The following HAPLN1 variants were observed in gnomAD, a reference collection of about 807,000 sequenced individuals.
HAPLN1 encodes the protein Cartilage link protein.
Under a neutral mutation model 36.5 loss-of-function variants are expected in HAPLN1, and 13 were observed. The observed-to-expected ratio is 0.36, with a 90% CI of 0.23 to 0.57. The LOEUF (loss-of-function observed/expected upper bound fraction) is 0.57. Among genes scored for constraint, HAPLN1 ranks in the 20% least tolerant of loss-of-function variants. HAPLN1 has a pLI of 0.83. For missense variants in HAPLN1, 407 were observed against 439.7 expected, an observed-to-expected ratio of 0.93 and a Z score of 0.66; for synonymous variants, 202 against 169.8, an observed-to-expected ratio of 1.19 and a Z score of -1.48.
At chr5:83,691,779 T>G (rs1480603547) in intron 1 of HAPLN1, among the ~76,000 whole-genome samples, 1 of 151,638 alleles carries the variant, frequency 6.6e-6, no homozygotes, top group Non-Finnish European at 1.5e-5. Context: ...AAGAGAAAAC[T>G]TAGTCAATGG....
intron 1 of HAPLN1, among the ~76,000 whole-genome samples, chr5:83,690,428 A>G (rs1480529154): frequency 6.6e-6 from 1 of 152,072 alleles, no homozygotes; most frequent in Non-Finnish European, 1.5e-5. Context: ...GTGGCACAGA[A>G]TTAGCTGTTT....
At chr5:83,675,317 A>G (rs1440890833) in intron 1 of HAPLN1, 2 of 152,172 alleles carry the variant, frequency 1.3e-5, no homozygotes, top group African/African-American at 4.8e-5. Flanking sequence ...CTGCTTGTTT[A>G]CAGGAATCAG....
intron 1 of HAPLN1, among the ~76,000 whole-genome samples, chr5:83,690,779 T>C (rs1253525395): frequency 6.6e-6 from 1 of 152,100 alleles, no homozygotes. Context: ...GGTGATTATA[T>C]ATTCAGGCAT....
intron 1 of HAPLN1, among the ~76,000 whole-genome samples, chr5:83,687,776 G>A (rs1007130234): frequency 9.2e-5 from 14 of 152,148 alleles, no homozygotes; most frequent in African/African-American, 3.4e-4. Context: ...GGGGGAAAAT[G>A]AGAGTATCAG....
intron 1 of HAPLN1, among the ~76,000 whole-genome samples, chr5:83,705,387 CAAAAAAAAA>C (rs762927081): frequency 2.3e-5 from 2 of 85,424 alleles, no homozygotes; most frequent in African/African-American, 4.8e-5. Flanking sequence ...TGAAACGTCA[CAAAAAAAAA>C]AAAAAAAAAA....
At chr5:83,662,283 T>C (rs1236789372) in intron 2 of HAPLN1, among the ~76,000 whole-genome samples, 2 of 152,224 alleles carry the variant, frequency 1.3e-5, no homozygotes, top group Admixed American at 6.5e-5. Context: ...GAAATACACA[T>C]AGTAAGTGAT....
Position 83,688,642 on chromosome 5 carries a change from C to CTTTTTTTTTTTTTT in HAPLN1, c.-26-15107_-26-15094dup, listed in dbSNP as rs539790396. On this transcript the variant is annotated intron_variant, in intron 1 of 4. Transcript: ENST00000274341. ...TATTTGCCAAATGCAGCTTTTGATT[C>CTTTTTTTTTTTTTT]TTTTTTTTTTTTTTTTTTTTTTTTT... is the stretch of plus-strand genomic sequence containing the variant. 1.7e-4 allele frequency among the ~76,000 whole-genome samples: 14 copies of CTTTTTTTTTTTTTT among 80,588 alleles called. 1 individual carries two copies. Among genetic ancestry groups the CTTTTTTTTTTTTTT allele is most frequent in the African/African-American group, 5.2e-4 (10 of 19,104 alleles). The allele number at this position is 80,588 out of a possible 152,430, so 52.9% of individuals were successfully genotyped here.
chr5:83,706,716 G>A (rs1751661881), intron 1 of HAPLN1, among the ~76,000 whole-genome samples: 1 of 152,084 alleles, frequency 6.6e-6, no homozygotes, highest in South Asian at 2.1e-4. Flanking sequence ...ACATAGTATT[G>A]GAAGTCCTAG....
intron 1 of HAPLN1, chr5:83,685,998 T>C (rs892191822): frequency 2.0e-5 from 3 of 152,080 alleles, no homozygotes; most frequent in African/African-American, 7.2e-5. Flanking sequence ...AGTCCATTTG[T>C]AGGAGAACAT....
intron 1 of HAPLN1, among the ~76,000 whole-genome samples, chr5:83,696,803 C>A (rs1160469479): frequency 6.6e-6 from 1 of 152,126 alleles, no homozygotes; most frequent in Non-Finnish European, 1.5e-5. Context: ...TGTCCATGCT[C>A]ATCAGTCACT....
intron 1 of HAPLN1, among the ~76,000 whole-genome samples, chr5:83,691,544 C>G (rs1042776447): frequency 6.6e-6 from 1 of 151,982 alleles, no homozygotes; most frequent in Non-Finnish European, 1.5e-5. Context: ...CTTAAGACAG[C>G]TCTAGGACCA....
intron 1 of HAPLN1, chr5:83,674,274 G>A (rs1721175966): frequency 6.6e-6 from 1 of 152,164 alleles, no homozygotes; most frequent in Non-Finnish European, 1.5e-5. Context: ...CCAACTTAGA[G>A]TGCCAGGTAG....
intron 3 of HAPLN1, among the ~76,000 whole-genome samples, chr5:83,650,483 CTGTAAAAATA>C (rs1750023992): frequency 6.6e-6 from 1 of 152,022 alleles, no homozygotes; most frequent in Non-Finnish European, 1.5e-5. Flanking sequence ...AAAACAGCAC[CTGTAAAAATA>C]TGTATCAATT....
chr5:83,714,096 C>T (rs1268052347), intron 1 of HAPLN1, among the ~76,000 whole-genome samples: 2 of 152,076 alleles, frequency 1.3e-5, no homozygotes, highest in African/African-American at 2.4e-5. Context: ...TCAGGACACC[C>T]CCGAAGCCCC....
rs1275050587 is a variant in HAPLN1, at chr5:83,644,603, G to T, written c.535C>A (p.Gln179Lys). Residue 179 changes from glutamine to lysine, a missense_variant, in exon 4 of 5, where the codon CAG becomes AAG. Coordinates refer to ENST00000274341, the MANE Select transcript of HAPLN1 (RefSeq NM_001884.4). ...RYNLNFHEAQ[Q>K]ACLDQDAVIA... ...ACAGCATCCTGGTCCAGACACGCCT[G>T]CTGCGCCTCGTGAAAATTGAGATTG... is the stretch of plus-strand genomic sequence containing the variant. 2 of 1,525,808 alleles carry T rather than the reference G, an allele frequency of 1.3e-6. No individual in the cohort carries two copies. Among genetic ancestry groups the T allele is most frequent in the African/African-American group, 1.4e-5 (1 of 71,158 alleles). The allele number at this position is 1,525,808 out of a possible 1,614,324, so 94.5% of individuals were successfully genotyped here.
intron 1 of HAPLN1, among the ~76,000 whole-genome samples, chr5:83,699,304 G>T (rs1231578181): frequency 1.3e-5 from 2 of 152,160 alleles, no homozygotes; most frequent in African/African-American, 4.8e-5. Flanking sequence ...CTTTGTTAGG[G>T]CAATGTACAT....
rs1469635052 is a variant in HAPLN1 at position 83,639,381 on chromosome 5, T to C, written c.*2115A>G. ...TGATCAGCACCAATTCCTATAGTAG[T>C]AAGTATTTAAAAGTTAAGAAATACT... On this transcript the variant is annotated 3_prime_UTR_variant, in exon 5 of 5. Coordinates refer to ENST00000274341, the MANE Select transcript of HAPLN1 (RefSeq NM_001884.4). The C allele has an allele frequency of 4.6e-5, 7 of 152,072 alleles. No homozygotes were observed. The highest frequency in any genetic ancestry group is 3.9e-4 in the Admixed American group (6 of 15,270). 9.4% of individuals were successfully genotyped at this position (152,072 alleles called of 1,614,324 possible).
intron 1 of HAPLN1, among the ~76,000 whole-genome samples, chr5:83,718,486 C>A (rs1050510618): frequency 6.6e-6 from 1 of 152,190 alleles, no homozygotes; most frequent in Non-Finnish European, 1.5e-5. Flanking sequence ...ATTTATACCA[C>A]CTCGTCCTCT....
intron 2 of HAPLN1, among the ~76,000 whole-genome samples, chr5:83,672,863 G>A (rs1750765070): frequency 6.6e-6 from 1 of 152,190 alleles, no homozygotes; most frequent in East Asian, 1.9e-4. Flanking sequence ...TTGTACTGCA[G>A]CCTCAAATCC....
Sources: allele counts gnomAD v4.1 joint callset (sites outside exome capture counted in the v4.1 genomes callset), GRCh38; gene constraint gnomAD v4.1.1; transcripts MANE v1.5; gene names NCBI Gene and HGNC (gene_info 2026-07-23, HGNC 2026-07-21).